The following PCDHB11 variants were observed in gnomAD, a reference collection of about 807,000 sequenced individuals.
The protein encoded by PCDHB11 is protocadherin beta 11.
For synonymous variants in PCDHB11, 522 were observed against 442.0 expected (o/e 1.18, Z -2.27); for missense variants, 1,151 against 1,003.4 (o/e 1.15, Z -1.99).
rs1203151349 is a variant in PCDHB11, at chr5:141,200,637, T to C, written c.863T>C (p.Ile288Thr). The change falls in exon 1 of 1, where the codon ATT becomes ACT. Residue 288 changes from isoleucine to threonine, a missense_variant. Ile to Thr is a moderately conservative substitution (Grantham distance 89, BLOSUM62 -1). Transcript: ENST00000354757. ...ACCTTTTCCCATGCCTCAGAAGATA[T>C]TCGCAAGACATTTGAAATTAATCAA... ...CYTFSHASEDIRKTFEINQKS... is the reference protein window; with the variant it reads ...CYTFSHASEDTRKTFEINQKS... 3 of 1,614,098 alleles carry C rather than the reference T, an allele frequency of 1.9e-6. No individual in the cohort carries two copies. Among genetic ancestry groups the C allele is most frequent in the Non-Finnish European group, 2.5e-6 (3 of 1,180,048 alleles).
At position 141,201,141 on chromosome 5, in the gene PCDHB11, A is replaced by G. The variant is rs782017859; in HGVS notation, c.1367A>G (p.Tyr456Cys). 7 of 1,613,818 alleles carry G rather than the reference A, an allele frequency of 4.3e-6. No homozygotes were observed. The highest frequency in any genetic ancestry group is 5.9e-6 in the Non-Finnish European group (7 of 1,180,004). The change falls in exon 1 of 1, where the codon TAC (tyrosine) becomes TGC (cysteine). Residue 456 changes from tyrosine (Y) to cysteine (C), a missense_variant. Coordinates refer to ENST00000354757, the MANE Select transcript of PCDHB11 (RefSeq NM_018931.3). ...DNAPTFTQTS[Y>C]TLFVRENNSP... ...GCCCCCACCTTCACCCAAACCTCCT[A>G]CACCCTGTTCGTCCGCGAGAACAAC...
Position 141,199,761 on chromosome 5 carries a change from A to G in PCDHB11, c.-14A>G, listed in dbSNP as rs782144042. The G allele has an allele frequency of 5.4e-5, 87 of 1,605,852 alleles. No individual in the cohort carries two copies. The highest frequency in any genetic ancestry group is 7.2e-5 in the Non-Finnish European group (84 of 1,174,552). On this transcript the variant is annotated 5_prime_UTR_variant, in exon 1 of 1. Coordinates refer to ENST00000354757, the MANE Select transcript of PCDHB11 (RefSeq NM_018931.3). Reference sequence around the variant, plus strand: ...GCTGAAGCCTTTCTTCAAGAAGCCTACAAGAAAGGAACTATGGAGAACCAA... The same window carrying G: ...GCTGAAGCCTTTCTTCAAGAAGCCTGCAAGAAAGGAACTATGGAGAACCAA...
At position 141,203,515 on chromosome 5, in the gene PCDHB11, T is replaced by C. The variant is rs1281025003; in HGVS notation, c.*1347T>C. The C allele has an allele frequency of 1.3e-5, 2 of 152,224 alleles. No homozygotes were observed. Among genetic ancestry groups the C allele is most frequent in the Admixed American group, 6.5e-5 (1 of 15,280 alleles). The allele number at this position is 152,224 out of a possible 1,614,324, so 9.4% of individuals were successfully genotyped here. On this transcript the variant is annotated 3_prime_UTR_variant, in exon 1 of 1. Transcript: ENST00000354757. ...TTTATTCATTTAAAAAGCCACATCA[T>C]CTAGTTCTAAATCACAGCATTTAAA...
At position 141,202,605 on chromosome 5, in the gene PCDHB11, C is replaced by CTT. The variant is rs1174899767; in HGVS notation, c.*446_*447dup. 6.7e-6 allele frequency: 1 copy of CTT among 148,688 alleles called. No homozygotes were observed. The allele number at this position is 148,688 out of a possible 1,614,324, so 9.2% of individuals were successfully genotyped here. ...ACCGGTGTGAGCCACTGCGCCCGGCCTTTTTTTTTTCTTTTCTTTTCTTTT... is the reference window on the plus strand; with the variant it reads ...ACCGGTGTGAGCCACTGCGCCCGGCCTTTTTTTTTTTTCTTTTCTTTTCTTTT... On this transcript the variant is annotated 3_prime_UTR_variant, in exon 1 of 1. Coordinates refer to ENST00000354757, the MANE Select transcript of PCDHB11 (RefSeq NM_018931.3).
In PCDHB11 at chr5:141,201,869, T is replaced by G; in HGVS notation, c.2095T>G (p.Ser699Ala). ...YLVVALASVS[S>A]LFLFSVLLFV... Reference sequence around the variant, plus strand: ...GGTGGTGGCGTTGGCCTCGGTGTCTTCGCTCTTCCTCTTCTCGGTGCTCCT... The same window carrying G: ...GGTGGTGGCGTTGGCCTCGGTGTCTGCGCTCTTCCTCTTCTCGGTGCTCCT... The change falls in exon 1 of 1, where the codon TCG becomes GCG. Residue 699 changes from serine (S) to alanine (A), a missense_variant. By Grantham distance (99) the Ser-to-Ala change is moderately conservative (BLOSUM62 1). Transcript: ENST00000354757. 6.2e-7 allele frequency: 1 copy of G among 1,611,308 alleles called. No homozygotes were observed. Among genetic ancestry groups the G allele is most frequent in the Non-Finnish European group, 8.5e-7 (1 of 1,179,842 alleles).
In PCDHB11 at chr5:141,203,700, T is replaced by TATAG. The variant is rs1554285999; in HGVS notation, c.*1533_*1534insTAGA. The TATAG allele has an allele frequency of 2.6e-5, 4 of 151,012 alleles. No homozygotes were observed. The highest frequency in any genetic ancestry group is 2.1e-4 in the South Asian group (1 of 4,774). The allele number at this position is 151,012 out of a possible 1,614,324, so 9.4% of individuals were successfully genotyped here. A position where few individuals can be genotyped will look rare whatever the true frequency, so the allele number is the denominator to read the frequency against. ...GCTTTTGTGTGTGTATATATATATATAGAGAGAGAGAGAGATCATGGCTTA... is the reference window on the plus strand; with the variant it reads ...GCTTTTGTGTGTGTATATATATATATATAGAGAGAGAGAGAGAGATCATGGCTTA... On this transcript the variant is annotated 3_prime_UTR_variant, in exon 1 of 1. Transcript: ENST00000354757.
chr5:141,202,242 T>A lies in PCDHB11; in HGVS notation c.*74T>A. On this transcript the variant is annotated 3_prime_UTR_variant, in exon 1 of 1. Coordinates refer to ENST00000354757, the MANE Select transcript of PCDHB11 (RefSeq NM_018931.3). ...ATATCAATATTATTTAGTCTTAAACTAGTTACGTTATTATGCAATACGACT... is the reference window on the plus strand; with the variant it reads ...ATATCAATATTATTTAGTCTTAAACAAGTTACGTTATTATGCAATACGACT... The A allele has an allele frequency of 1.6e-6, 2 of 1,263,050 alleles. No individual in the cohort carries two copies. Among genetic ancestry groups the A allele is most frequent in the Non-Finnish European group, 2.2e-6 (2 of 923,666 alleles). 78.2% of individuals were successfully genotyped at this position (1,263,050 alleles called of 1,614,324 possible).
chr5:141,199,965 C>G lies in PCDHB11; in HGVS notation c.191C>G (p.Ala64Gly). The G allele has an allele frequency of 6.2e-7, 1 of 1,614,084 alleles. No individual in the cohort carries two copies. The highest frequency in any genetic ancestry group is 1.7e-5 in the Admixed American group (1 of 60,000). ...GTGAGAGAACTGTCCTCACGGGGGG[C>G]TCGGGTGGTCTCTAATGATAAGAAA... ...LKVRELSSRG[A>G]RVVSNDKKQR... is the part of the protein sequence containing the mutation. The change falls in exon 1 of 1, where the codon GCT becomes GGT. Residue 64 changes from alanine to glycine, a missense_variant. Transcript: ENST00000354757.
rs1554285929 is a variant in PCDHB11 at position 141,202,667 on chromosome 5, C to G, written c.*499C>G. Reference sequence around the variant, plus strand: ...AGTCTTAGTCACCCAGACTAGAGGTCAGTGGCAGGATCTCAGCTCACTGCA... The same window carrying G: ...AGTCTTAGTCACCCAGACTAGAGGTGAGTGGCAGGATCTCAGCTCACTGCA... On this transcript the variant is annotated 3_prime_UTR_variant, in exon 1 of 1. Transcript: ENST00000354757. 6.6e-6 allele frequency: 1 copy of G among 151,906 alleles called. No individual in the cohort carries two copies. Among genetic ancestry groups the G allele is most frequent in the Non-Finnish European group, 1.5e-5 (1 of 68,384 alleles). The allele number at this position is 151,906 out of a possible 1,614,324, so 9.4% of individuals were successfully genotyped here.
In PCDHB11 at chr5:141,201,999, C is replaced by G. The variant is rs782016355; in HGVS notation, c.2225C>G (p.Thr742Ser). 3 of 1,614,182 alleles carry G rather than the reference C, an allele frequency of 1.9e-6. No homozygotes were observed. Among genetic ancestry groups the G allele is most frequent in the Non-Finnish European group, 2.5e-6 (3 of 1,180,018 alleles). Residue 742 changes from threonine (T) to serine (S), a missense_variant, in exon 1 of 1, where the codon ACC (threonine) becomes AGC (serine). Transcript: ENST00000354757. ...FPGHLVDVSG[T>S]GTLSQSYQYE... Reference sequence around the variant, plus strand: ...GGGCATCTGGTGGACGTGAGCGGCACCGGGACCCTTTCCCAGAGCTACCAG... The same window carrying G: ...GGGCATCTGGTGGACGTGAGCGGCAGCGGGACCCTTTCCCAGAGCTACCAG...
rs1754147366 is a variant in PCDHB11, at chr5:141,200,481, A to G, written c.707A>G (p.Asn236Ser). The change falls in exon 1 of 1, where the codon AAT becomes AGT. Residue 236 changes from asparagine (N) to serine (S), a missense_variant. Coordinates refer to ENST00000354757, the MANE Select transcript of PCDHB11 (RefSeq NM_018931.3). Reference sequence around the variant, plus strand: ...GTCAGGGTGGTGGTTGTGGACATTAATGACAACTCCCCTGAATTTGAGCAG... The same window carrying G: ...GTCAGGGTGGTGGTTGTGGACATTAGTGACAACTCCCCTGAATTTGAGCAG... ...ALVRVVVVDI[N>S]DNSPEFEQAF... is the part of the protein sequence containing the mutation. 1.9e-6 allele frequency: 3 copies of G among 1,614,134 alleles called. No homozygotes were observed. The highest frequency in any genetic ancestry group is 8.5e-7 in the Non-Finnish European group (1 of 1,180,036).
chr5:141,201,046 C>T lies in PCDHB11; in HGVS notation c.1272C>T (p.Thr424=). ...TAEYNITITV[T]DLGIPRLKTE... is the part of the protein sequence containing the mutation. ...AGTACAATATCACCATCACCGTCACCGACTTGGGGATACCCAGGCTGAAAA... is the reference window on the plus strand; with the variant it reads ...AGTACAATATCACCATCACCGTCACTGACTTGGGGATACCCAGGCTGAAAA... Residue 424 remains threonine (T), a synonymous_variant, in exon 1 of 1, where the codon ACC becomes ACT. Coordinates refer to ENST00000354757, the MANE Select transcript of PCDHB11 (RefSeq NM_018931.3). 6.2e-7 allele frequency: 1 copy of T among 1,614,188 alleles called. No homozygotes were observed. Among genetic ancestry groups the T allele is most frequent in the South Asian group, 1.1e-5 (1 of 91,082 alleles).
chr5:141,201,370 C>G lies in PCDHB11; in HGVS notation c.1596C>G (p.Gly532=), dbSNP rs141725405. Residue 532 remains glycine, a synonymous_variant, in exon 1 of 1, where the codon GGC becomes GGG. Coordinates refer to ENST00000354757, the MANE Select transcript of PCDHB11 (RefSeq NM_018931.3). ...TGCAGGCTTTCGACTTCCGCGTGGGCGCCACAGACCGCGGCTCCCCGGCTT... is the reference window on the plus strand; with the variant it reads ...TGCAGGCTTTCGACTTCCGCGTGGGGGCCACAGACCGCGGCTCCCCGGCTT... ...EALQAFDFRV[G]ATDRGSPALS... 2.3e-5 allele frequency: 37 copies of G among 1,612,596 alleles called. No individual in the cohort carries two copies. The highest frequency in any genetic ancestry group is 4.0e-4 in the Middle Eastern group (2 of 5,000).
rs1389588670 is a variant in PCDHB11 at position 141,201,885 on chromosome 5, C to T, written c.2111C>T (p.Ser704Leu). The T allele has an allele frequency of 2.5e-6, 4 of 1,612,356 alleles. No individual in the cohort carries two copies. The highest frequency in any genetic ancestry group is 3.4e-6 in the Non-Finnish European group (4 of 1,179,934). The stretch of plus-strand genomic sequence containing the variant: ...TCGGTGTCTTCGCTCTTCCTCTTCT[C>T]GGTGCTCCTGTTCGTGGCGGTGCGG... ...LASVSSLFLF[S>L]VLLFVAVRLC... is the part of the protein sequence containing the mutation. The change falls in exon 1 of 1, where the codon TCG becomes TTG. Residue 704 changes from serine to leucine, a missense_variant. Transcript: ENST00000354757.
At position 141,202,313 on chromosome 5, in the gene PCDHB11, T is replaced by C. The variant is rs1754223722; in HGVS notation, c.*145T>C. 1 of 814,830 alleles carries C rather than the reference T, an allele frequency of 1.2e-6. No individual in the cohort carries two copies. Among genetic ancestry groups the C allele is most frequent in the Non-Finnish European group, 1.8e-6 (1 of 544,194 alleles). 50.5% of individuals were successfully genotyped at this position (814,830 alleles called of 1,614,324 possible). A position where few individuals can be genotyped will look rare whatever the true frequency, so the allele number is the denominator to read the frequency against. On this transcript the variant is annotated 3_prime_UTR_variant, in exon 1 of 1. Coordinates refer to ENST00000354757, the MANE Select transcript of PCDHB11 (RefSeq NM_018931.3). ...CTTTTCTCCCCCAATTTTTTTTTTT[T>C]TTTTGAGACCGAGTCTCATTCTGTC...
rs1438180301 is a variant in PCDHB11, at chr5:141,202,300, AATT to A, written c.*133_*135del. The A allele has an allele frequency of 4.7e-6, 4 of 843,346 alleles. No homozygotes were observed. Among genetic ancestry groups the A allele is most frequent in the African/African-American group, 4.0e-5 (2 of 49,694 alleles). 52.2% of individuals were successfully genotyped at this position (843,346 alleles called of 1,614,324 possible). On this transcript the variant is annotated 3_prime_UTR_variant, in exon 1 of 1. Transcript: ENST00000354757. ...TTTTTAATTTTTTCTTTTCTCCCCC[AATT>A]TTTTTTTTTTTTTTGAGACCGAGTC...
At position 141,201,259 on chromosome 5, in the gene PCDHB11, C is replaced by T. The variant is rs782501833; in HGVS notation, c.1485C>T (p.Asp495=). Residue 495 remains aspartate (D), a synonymous_variant, in exon 1 of 1, where the codon GAC becomes GAT. Transcript: ENST00000354757. The stretch of plus-strand genomic sequence containing the variant: ...ACTACTCGCTACTCCCGCCCCAGGA[C>T]CTGCACCTGCCCCTCGCCTCCCTGG... ...QVNYSLLPPQ[D]LHLPLASLVS... 23 of 1,613,416 alleles carry T rather than the reference C, an allele frequency of 1.4e-5. No homozygotes were observed. In the Middle Eastern group the frequency reaches 5.5e-4, roughly 39 times the overall value.
Position 141,199,650 on chromosome 5 carries a change from G to A in PCDHB11, c.-125G>A. ...GAAGACAGAAACAACAAGCCTTCAA[G>A]AGGGTGACCTGGAAACCATTCAACA... On this transcript the variant is annotated 5_prime_UTR_variant, in exon 1 of 1. Coordinates refer to ENST00000354757, the MANE Select transcript of PCDHB11 (RefSeq NM_018931.3). 1 of 774,732 alleles carries A rather than the reference G, an allele frequency of 1.3e-6. No individual in the cohort carries two copies. Among genetic ancestry groups the A allele is most frequent in the African/African-American group, 1.8e-5 (1 of 56,970 alleles). The allele number at this position is 774,732 out of a possible 1,614,324, so 48.0% of individuals were successfully genotyped here.
At position 141,200,022 on chromosome 5, in the gene PCDHB11, A is replaced by G. The variant is rs1356391869; in HGVS notation, c.248A>G (p.Asp83Gly). ...TTGCAGCTGGACATAAACACTGGGG[A>G]TTTGCTCTTAAGTGAAACACTAGAC... ...QRLQLDINTG[D>G]LLLSETLDRE... Residue 83 changes from aspartate to glycine, a missense_variant, in exon 1 of 1, where the codon GAT (aspartate) becomes GGT (glycine). Coordinates refer to ENST00000354757, the MANE Select transcript of PCDHB11 (RefSeq NM_018931.3). 1 of 1,613,998 alleles carries G rather than the reference A, an allele frequency of 6.2e-7. No homozygotes were observed. Among genetic ancestry groups the G allele is most frequent in the African/African-American group, 1.3e-5 (1 of 74,902 alleles).
Sources: gnomAD v4.1 joint callset for allele counts on GRCh38, gnomAD v4.1.1 for gene constraint, MANE v1.5 for transcripts, NCBI Gene and HGNC (gene_info 2026-07-23, HGNC 2026-07-21) for gene names.